Variants in POLN observed in about 807,000 individuals in gnomAD.
POLN encodes DNA polymerase nu.
POLN carries 108 observed loss-of-function variants against 113.5 expected under a neutral mutation model. The observed-to-expected ratio is 0.95, with a 90% CI of 0.81 to 1.12. POLN has a LOEUF of 1.12. POLN is among the 50% of genes most tolerant of loss of function. The pLI, the probability that POLN is intolerant of heterozygous loss-of-function variation, is 0.00. For missense variants in POLN, 1,097 were observed against 1,077.1 expected (o/e 1.02, Z -0.26); for synonymous variants, 386 against 391.5 (o/e 0.99, Z 0.17).
chr4:2,137,834 C>T (rs552280836), intron 16 of POLN, among the ~76,000 whole-genome samples: 2 of 151,810 alleles, frequency 1.3e-5, no homozygotes, highest in South Asian at 2.1e-4. Context: ...GGTGTTTCTT[C>T]GGTCGGGGGG....
Position 2,240,716 on chromosome 4 carries a change from C to T in POLN, c.-13+804G>A, listed in dbSNP as rs759081132. The T allele has an allele frequency of 1.9e-6, 3 of 1,613,904 alleles. No homozygotes were observed. The Admixed American group carries it at 5.0e-5, about 27-fold the overall frequency. The stretch of plus-strand genomic sequence containing the variant: ...TTTTACACGTTTTAAGAGCTTCATC[C>T]AATGCCGCCCCTTCTAGAATAGGCT... On this transcript the variant is annotated intron_variant, in intron 2 of 25. Transcript: ENST00000511885.
intron 20 of POLN, chr4:2,090,009 T>C: frequency 1.1e-6 from 1 of 910,570 alleles, no homozygotes; most frequent in Non-Finnish European, 1.7e-6. Flanking sequence ...CAAGTTTCTT[T>C]TTCCTATGGA....
rs1183039307 is a variant in POLN, at chr4:2,095,898, T to G, written c.2018A>C (p.Asp673Ala). 1 of 1,614,068 alleles carries G rather than the reference T, an allele frequency of 6.2e-7. No homozygotes were observed. The highest frequency in any genetic ancestry group is 1.3e-5 in the African/African-American group (1 of 74,918). The change falls in exon 20 of 26, where the codon GAC (aspartate) becomes GCC (alanine). Residue 673 changes from aspartate (D) to alanine (A), a missense_variant. Transcript: ENST00000511885. ...CACCACCTTCTTGGTTTGCTCTCTG[T>G]CTGCGTGTGTCACCTGTTCCACGGG... The part of the protein sequence containing the change: ...DVPVEQVTHA[D>A]REQTKKVVYA...
chr4:2,091,666 G>C (rs1021472898), intron 20 of POLN, among the ~76,000 whole-genome samples: 1 of 152,082 alleles, frequency 6.6e-6, no homozygotes, highest in African/African-American at 2.4e-5. Context: ...GCATGCTGGG[G>C]ACACTAAGTA....
At chr4:2,092,677 A>G (rs1232140625) in intron 20 of POLN, among the ~76,000 whole-genome samples, 1 of 152,238 alleles carries the variant, frequency 6.6e-6, no homozygotes, top group Non-Finnish European at 1.5e-5. Context: ...ATTTCTCAAG[A>G]ATGTGTAGGA....
At chr4:2,160,730 C>G (rs1490940617) in intron 13 of POLN, among the ~76,000 whole-genome samples, 1 of 152,236 alleles carries the variant, frequency 6.6e-6, no homozygotes, top group East Asian at 1.9e-4. Context: ...TTAATGATGT[C>G]TTTTCATAAT....
chr4:2,145,860 G>C (rs1416019396), intron 16 of POLN, among the ~76,000 whole-genome samples: 1 of 151,978 alleles, frequency 6.6e-6, no homozygotes, highest in East Asian at 1.9e-4. Context: ...TTGCAGCATT[G>C]TTTTTAATAG....
chr4:2,110,529 T>A (rs1167249249), intron 19 of POLN, among the ~76,000 whole-genome samples: 2 of 151,992 alleles, frequency 1.3e-5, no homozygotes, highest in African/African-American at 2.4e-5. Flanking sequence ...AAGAATCAAA[T>A]AGACGCAATA....
At chr4:2,092,988 G>C (rs564811072) in intron 20 of POLN, among the ~76,000 whole-genome samples, 16 of 152,340 alleles carry the variant, frequency 1.1e-4, no homozygotes, top group African/African-American at 3.8e-4. Context: ...GGAGGCTCAG[G>C]GTGGGAACCC....
At chr4:2,096,279 G>A (rs1304625991) in intron 19 of POLN, among the ~76,000 whole-genome samples, 2 of 152,190 alleles carry the variant, frequency 1.3e-5, no homozygotes, top group Admixed American at 1.3e-4. Flanking sequence ...CCTGGGCCAC[G>A]TCTGTGTCTG....
At chr4:2,188,499 G>A (rs1331645582) in intron 7 of POLN, among the ~76,000 whole-genome samples, 1 of 152,118 alleles carries the variant, frequency 6.6e-6, no homozygotes, top group African/African-American at 2.4e-5. Flanking sequence ...TACTCGGGAG[G>A]CTGAGGCAGG....
At chr4:2,198,405 A>T in intron 6 of POLN, 119 bp downstream of exon 6, 1 of 775,236 alleles carries the variant, frequency 1.3e-6, no homozygotes. Context: ...TTTTATTTTC[A>T]TGTGCCCATA....
chr4:2,199,267 A>G (rs886435418), intron 5 of POLN, among the ~76,000 whole-genome samples: 1 of 152,198 alleles, frequency 6.6e-6, no homozygotes, highest in Non-Finnish European at 1.5e-5. Context: ...TAAAATGCTG[A>G]TGAAAGAAAT....
intron 23 of POLN, among the ~76,000 whole-genome samples, chr4:2,076,189 C>T (rs897026533): frequency 6.6e-6 from 1 of 152,132 alleles, no homozygotes; most frequent in African/African-American, 2.4e-5. Context: ...GGGGCAGGTC[C>T]CTGGGGTGGG....
chr4:2,192,154 T>C (rs1733467062), intron 7 of POLN, among the ~76,000 whole-genome samples: 1 of 151,336 alleles, frequency 6.6e-6, no homozygotes, highest in African/African-American at 2.4e-5. Flanking sequence ...AAATTGATAA[T>C]TGTTGAAACT....
chr4:2,080,220 A>G, intron 23 of POLN: 1 of 988,046 alleles, frequency 1.0e-6, no homozygotes, highest in African/African-American at 1.7e-5. Flanking sequence ...CAGCACCCCC[A>G]GGCCTTGGCT....
chr4:2,113,390 A>C (rs1377829680), intron 19 of POLN, among the ~76,000 whole-genome samples: 2 of 151,964 alleles, frequency 1.3e-5, no homozygotes, highest in African/African-American at 2.4e-5. Flanking sequence ...GTATAATAAT[A>C]ATAATAATAA....
At chr4:2,196,376 A>G (rs936869387) in intron 6 of POLN, among the ~76,000 whole-genome samples, 8 of 152,180 alleles carry the variant, frequency 5.3e-5, no homozygotes, top group Non-Finnish European at 1.2e-4. Flanking sequence ...TTTACAGAAA[A>G]TATGGAGAAG....
chr4:2,202,679 G>A (rs1254836965), intron 5 of POLN, among the ~76,000 whole-genome samples: 3 of 131,352 alleles, frequency 2.3e-5, no homozygotes, highest in Admixed American at 8.6e-5. Context: ...AGCCAAGACT[G>A]TAGCACTGCA....
Sources: allele counts gnomAD v4.1 joint callset (sites outside exome capture counted in the v4.1 genomes callset), GRCh38; gene constraint gnomAD v4.1.1; transcripts MANE v1.5; gene names NCBI Gene and HGNC (gene_info 2026-07-23, HGNC 2026-07-21).